GPC5: variants seen among roughly 807,000 people sequenced by gnomAD.
GPC5 encodes the protein glypican 5, also known as glypican-5.
GPC5 carries 47 observed loss-of-function variants against 53.9 expected under a neutral mutation model. That is an observed-to-expected ratio of 0.87 (90% CI 0.69 to 1.11). The LOEUF (loss-of-function observed/expected upper bound fraction) is 1.11, where lower values mean the gene tolerates loss of function less well. Ranked by LOEUF, GPC5 falls within the 50% of genes most tolerant of loss-of-function variation. The pLI is 0.00. For missense variants in GPC5, 748 were observed against 713.1 expected (o/e 1.05, Z -0.56); for synonymous variants, 286 against 263.3 (o/e 1.09, Z -0.84).
At chr13:92,321,782 T>C (rs1420528360) in intron 7 of GPC5, among the ~76,000 whole-genome samples, 4 of 152,214 alleles carry the variant, frequency 2.6e-5, no homozygotes, top group Non-Finnish European at 5.9e-5. Flanking sequence ...TAATTCAACT[T>C]ACATGTTCAT....
chr13:92,333,947 A>G (rs1188094024), intron 7 of GPC5, among the ~76,000 whole-genome samples: 1 of 152,152 alleles, frequency 6.6e-6, no homozygotes, highest in Non-Finnish European at 1.5e-5. Context: ...GCAAAACAAA[A>G]CAAAACAAAA....
chr13:92,545,389 T>G (rs1055906800), intron 7 of GPC5, among the ~76,000 whole-genome samples: 1 of 152,208 alleles, frequency 6.6e-6, no homozygotes, highest in Non-Finnish European at 1.5e-5. Context: ...TACGTGTGCA[T>G]GTGTCTTTAT....
chr13:92,851,753 G>C (rs1354992740), intron 7 of GPC5, among the ~76,000 whole-genome samples: 2 of 151,440 alleles, frequency 1.3e-5, no homozygotes, highest in African/African-American at 2.4e-5. Context: ...GCCAGGCGTG[G>C]TGGTGGGTGC....
chr13:91,905,297 A>ATC (rs1013492899), intron 5 of GPC5, among the ~76,000 whole-genome samples: 3 of 151,750 alleles, frequency 2.0e-5, no homozygotes, highest in Non-Finnish European at 2.9e-5. Flanking sequence ...TTCTCTCTCT[A>ATC]TCTCTCTCTA....
At chr13:92,767,713 T>G (rs532864179) in intron 7 of GPC5, among the ~76,000 whole-genome samples, 1 of 152,300 alleles carries the variant, frequency 6.6e-6, no homozygotes, top group South Asian at 2.1e-4. Context: ...TTTCATTTTC[T>G]AATGAGGAAA....
intron 2 of GPC5, among the ~76,000 whole-genome samples, chr13:91,636,417 C>T (rs934599942): frequency 7.9e-5 from 12 of 151,634 alleles, no homozygotes; most frequent in South Asian, 2.1e-4. Context: ...TGTATATACA[C>T]GTGTGTGCAG....
At chr13:92,144,329 C>T (rs1277745555) in intron 6 of GPC5, among the ~76,000 whole-genome samples, 1 of 152,072 alleles carries the variant, frequency 6.6e-6, no homozygotes, top group East Asian at 1.9e-4. Context: ...GTATTTGATC[C>T]AAGAAAGTTT....
rs1361850990 is a variant in GPC5 at position 92,205,966 on chromosome 13, CAAG to C, written c.1561+60979_1561+60981del. Among the ~76,000 whole-genome samples the C allele has an allele frequency of 6.5e-5, 9 of 138,078 alleles. No homozygotes were observed. In the Admixed American group the frequency reaches 7.2e-4, roughly 11 times the overall value. The allele number at this position is 138,078 out of a possible 152,430, so 90.6% of individuals were successfully genotyped here. On this transcript the variant is annotated intron_variant, in intron 7 of 7. Coordinates refer to ENST00000377067, the MANE Select transcript of GPC5 (RefSeq NM_004466.6). ...CTGAGGAAGGACAATCGCTGGAACA[CAAG>C]AGGTGGAGGTTGCAGTGAGCAGAGA...
intron 7 of GPC5, among the ~76,000 whole-genome samples, chr13:92,698,484 A>G (rs1566369768): frequency 6.6e-6 from 1 of 152,150 alleles, no homozygotes; most frequent in Non-Finnish European, 1.5e-5. Flanking sequence ...TGTCCCTACA[A>G]AGGACATGAA....
At chr13:92,099,429 C>A (rs2041448065) in intron 6 of GPC5, among the ~76,000 whole-genome samples, 1 of 152,120 alleles carries the variant, frequency 6.6e-6, no homozygotes, top group African/African-American at 2.4e-5. Context: ...TCTTGCTGTC[C>A]TTGTTTCTGC....
intron 5 of GPC5, among the ~76,000 whole-genome samples, chr13:91,801,040 C>T (rs372431926): frequency 2.0e-5 from 3 of 151,982 alleles, no homozygotes; most frequent in South Asian, 2.1e-4. Flanking sequence ...TCAGTCTAGG[C>T]GCCAATTTTT....
At chr13:91,833,168 C>T (rs2038683045) in intron 5 of GPC5, among the ~76,000 whole-genome samples, 1 of 152,134 alleles carries the variant, frequency 6.6e-6, no homozygotes, top group Admixed American at 6.5e-5. Flanking sequence ...TTCCTGGACA[C>T]ATACACCCTC....
At chr13:92,590,147 G>A (rs960842931) in intron 7 of GPC5, among the ~76,000 whole-genome samples, 1 of 152,186 alleles carries the variant, frequency 6.6e-6, no homozygotes, top group African/African-American at 2.4e-5. Context: ...ATGAGGGGAT[G>A]TCTTAACTGC....
At chr13:92,606,910 G>T (rs1486933328) in intron 7 of GPC5, among the ~76,000 whole-genome samples, 1 of 151,988 alleles carries the variant, frequency 6.6e-6, no homozygotes, top group Admixed American at 6.6e-5. Context: ...TACTCCACAT[G>T]CGCTTTGCCC....
intron 7 of GPC5, among the ~76,000 whole-genome samples, chr13:92,190,290 G>T (rs946671991): frequency 4.6e-5 from 7 of 152,098 alleles, no homozygotes; most frequent in Non-Finnish European, 2.9e-5. Context: ...GAATTTTAGA[G>T]AATTTGTTGC....
chr13:92,030,147 G>A (rs923484057), intron 6 of GPC5, among the ~76,000 whole-genome samples: 2 of 152,020 alleles, frequency 1.3e-5, no homozygotes, highest in Non-Finnish European at 1.5e-5. Context: ...GAAAAGAAGG[G>A]TATTAATTGA....
At chr13:92,739,964 C>A (rs1189306416) in intron 7 of GPC5, among the ~76,000 whole-genome samples, 1 of 152,050 alleles carries the variant, frequency 6.6e-6, no homozygotes, top group Non-Finnish European at 1.5e-5. Context: ...TTCCTCCTCA[C>A]TATCATCAAA....
chr13:91,699,958 A>G (rs1341012093), intron 3 of GPC5, among the ~76,000 whole-genome samples: 1 of 152,084 alleles, frequency 6.6e-6, no homozygotes, highest in Non-Finnish European at 1.5e-5. Context: ...ATGGAATGAG[A>G]TGTTTTCTGA....
intron 7 of GPC5, among the ~76,000 whole-genome samples, chr13:92,620,843 C>A (rs933799474): frequency 6.6e-6 from 1 of 152,200 alleles, no homozygotes; most frequent in African/African-American, 2.4e-5. Flanking sequence ...ATATCACTAT[C>A]TTTAAACAGG....
Sources: allele counts gnomAD v4.1 joint callset (sites outside exome capture counted in the v4.1 genomes callset), GRCh38; gene constraint gnomAD v4.1.1; transcripts MANE v1.5; gene names NCBI Gene and HGNC (gene_info 2026-07-23, HGNC 2026-07-21).